The following IFT140 variants were observed in gnomAD, a reference collection of about 807,000 sequenced individuals.
The protein encoded by IFT140 is intraflagellar transport protein 140 homolog.
IFT140 carries 133 observed loss-of-function variants against 164.6 expected under a neutral mutation model. That is an observed-to-expected ratio of 0.81 (90% CI 0.70 to 0.93). The LOEUF (loss-of-function observed/expected upper bound fraction) is 0.93. IFT140 is among the 40% of genes least tolerant of loss of function. IFT140 has a pLI of 0.00. For synonymous variants in IFT140, 860 were observed against 817.3 expected (o/e 1.05, Z -0.89); for missense variants, 2,045 against 1,972.3 (o/e 1.04, Z -0.70).
intron 3 of IFT140, among the ~76,000 whole-genome samples, chr16:1,606,905 T>C (rs368693774): frequency 6.7e-6 from 1 of 149,422 alleles, no homozygotes; most frequent in Admixed American, 6.6e-5. Flanking sequence ...CACACACCCA[T>C]ATGCACACAC....
In IFT140 at chr16:1,525,177, C is replaced by G. The variant is rs2040647791; in HGVS notation, c.2864+54G>C. On this transcript the variant is annotated intron_variant, in intron 22 of 30. Coordinates refer to ENST00000426508, the MANE Select transcript of IFT140 (RefSeq NM_014714.4). ...GCCGTCTCAGCAAGCCCTGGGGTCC[C>G]TGCAAACCTCCAGGATGGAGTGCGG... 2.1e-6 allele frequency: 3 copies of G among 1,438,012 alleles called. No individual in the cohort carries two copies. In the South Asian group the frequency reaches 3.4e-5, roughly 16 times the overall value. The allele number at this position is 1,438,012 out of a possible 1,614,324, so 89.1% of individuals were successfully genotyped here. A position where few individuals can be genotyped will look rare whatever the true frequency, so the allele number is the denominator to read the frequency against.
intron 24 of IFT140, 21 bp downstream of exon 24, chr16:1,524,531 C>A (rs760389395): frequency 6.2e-7 from 1 of 1,610,376 alleles, no homozygotes; most frequent in Non-Finnish European, 8.5e-7. Flanking sequence ...GCGCCGGCTC[C>A]CCACCCCGGG....
At chr16:1,560,785 A>G (rs2033362693) in intron 18 of IFT140, among the ~76,000 whole-genome samples, 2 of 152,182 alleles carry the variant, frequency 1.3e-5, no homozygotes, top group Admixed American at 1.3e-4. Flanking sequence ...CATTCTTAAC[A>G]TCGATAAGCC....
chr16:1,541,752 A>G (rs936161744), intron 19 of IFT140, among the ~76,000 whole-genome samples: 1 of 152,182 alleles, frequency 6.6e-6, no homozygotes, highest in African/African-American at 2.4e-5. Context: ...GCTTGCAGGC[A>G]GGTGAGGGGG....
chr16:1,571,535 C>T lies in IFT140; in HGVS notation c.1525-1G>A, dbSNP rs2034013225. On this transcript the variant is annotated splice_acceptor_variant, in intron 13 of 30. Coordinates refer to ENST00000426508, the MANE Select transcript of IFT140 (RefSeq NM_014714.4). LOFTEE classifies it high-confidence loss of function. ...AAAGGAGGAGTTGTTTGACAGTCCCCTGAGGAAAAGGAACAAGAAATGGAT... is the reference window on the plus strand; with the variant it reads ...AAAGGAGGAGTTGTTTGACAGTCCCTTGAGGAAAAGGAACAAGAAATGGAT... 1.2e-6 allele frequency: 2 copies of T among 1,609,486 alleles called. No homozygotes were observed. The highest frequency in any genetic ancestry group is 1.7e-6 in the Non-Finnish European group (2 of 1,178,614).
chr16:1,555,056 C>T, intron 19 of IFT140: 2 of 1,583,896 alleles, frequency 1.3e-6, no homozygotes, highest in South Asian at 1.1e-5. Flanking sequence ...CATCAACGCA[C>T]ACCTGCTATC....
At chr16:1,549,093 C>A (rs753532206) in intron 19 of IFT140, among the ~76,000 whole-genome samples, 1 of 152,272 alleles carries the variant, frequency 6.6e-6, no homozygotes, top group Non-Finnish European at 1.5e-5. Context: ...ATGCCTAGGG[C>A]CGCGCAGGTT....
chr16:1,562,645 A>C (rs893358795), intron 17 of IFT140, among the ~76,000 whole-genome samples: 4 of 152,090 alleles, frequency 2.6e-5, no homozygotes, highest in African/African-American at 9.7e-5. Flanking sequence ...GGTGGTAGGC[A>C]CTTGTAGTCC....
At chr16:1,562,785 G>GA (rs1008781342) in intron 17 of IFT140, among the ~76,000 whole-genome samples, 1 of 150,656 alleles carries the variant, frequency 6.6e-6, no homozygotes, top group Non-Finnish European at 1.5e-5. Flanking sequence ...AATAAAAGAA[G>GA]AAAAAAAAAT....
In IFT140 at chr16:1,531,267, C is replaced by T. The variant is rs747006615; in HGVS notation, c.2400-4471G>A. 6.6e-6 allele frequency: 1 copy of T among 152,242 alleles called. No homozygotes were observed. Among genetic ancestry groups the T allele is most frequent in the Admixed American group, 6.5e-5 (1 of 15,280 alleles). 9.4% of individuals were successfully genotyped at this position (152,242 alleles called of 1,614,324 possible). Reference sequence around the variant, plus strand: ...ACCCACATCTGCACTTCATCAGCCCCGAGGCACTGGAACAAGAAGCAGATG... The same window carrying T: ...ACCCACATCTGCACTTCATCAGCCCTGAGGCACTGGAACAAGAAGCAGATG... On this transcript the variant is annotated intron_variant, in intron 19 of 30. Coordinates refer to ENST00000426508, the MANE Select transcript of IFT140 (RefSeq NM_014714.4). This position sits in a 1 kb window ranked among gnomAD's most constrained non-coding sequence, Gnocchi z 4.7.
intron 30 of IFT140, chr16:1,513,054 A>T (rs572505894): frequency 1.3e-5 from 2 of 152,296 alleles, no homozygotes; most frequent in Non-Finnish European, 2.9e-5. Flanking sequence ...TCATTTCTCG[A>T]TACTCAGTTT....
At chr16:1,575,324 A>C (rs1406601320) in intron 13 of IFT140, among the ~76,000 whole-genome samples, 1 of 152,016 alleles carries the variant, frequency 6.6e-6, no homozygotes, top group African/African-American at 2.4e-5. Flanking sequence ...GCAGTGAGCT[A>C]TGATGGCACC....
chr16:1,559,281 A>G (rs943876719), intron 18 of IFT140, among the ~76,000 whole-genome samples: 1 of 152,170 alleles, frequency 6.6e-6, no homozygotes, highest in African/African-American at 2.4e-5. Context: ...TCTGATAACA[A>G]TGTCAGCTTG....
intron 3 of IFT140, among the ~76,000 whole-genome samples, chr16:1,606,188 G>A (rs1023597886): frequency 6.6e-6 from 1 of 152,250 alleles, no homozygotes; most frequent in Non-Finnish European, 1.5e-5. Flanking sequence ...AAGCCACCCA[G>A]TTTGTGGAAA....
chr16:1,542,337 C>T (rs1011565434), intron 19 of IFT140, among the ~76,000 whole-genome samples: 2 of 152,266 alleles, frequency 1.3e-5, no homozygotes, highest in African/African-American at 4.8e-5. Context: ...CCCTTTTCCA[C>T]TTTAAAGGCT....
chr16:1,557,563 T>C (rs11639523), intron 19 of IFT140: 10,840 of 205,764 alleles, frequency 0.053, 567 homozygotes, highest in Admixed American at 0.18. Context: ...CCTTGATTGA[T>C]ACCCTCTTTC....
chr16:1,590,925 C>T (rs1171793029), intron 6 of IFT140, among the ~76,000 whole-genome samples: 4 of 152,152 alleles, frequency 2.6e-5, no homozygotes. Flanking sequence ...CCACACCCAG[C>T]ACAAACTCTT....
chr16:1,606,494 T>G (rs951268925), intron 3 of IFT140, among the ~76,000 whole-genome samples: 1 of 152,236 alleles, frequency 6.6e-6, no homozygotes, highest in East Asian at 1.9e-4. Flanking sequence ...GAGTTTTGCT[T>G]TTGTTGCCCA....
chr16:1,569,980 C>T (rs1026566411), intron 14 of IFT140, among the ~76,000 whole-genome samples: 1 of 152,192 alleles, frequency 6.6e-6, no homozygotes, highest in African/African-American at 2.4e-5. Flanking sequence ...TCCAATTATT[C>T]CAGCTTTGGC....
Sources: gnomAD v4.1 joint callset for allele counts (sites outside exome capture counted in the v4.1 genomes callset) on GRCh38, gnomAD v4.1.1 for gene constraint, Gnocchi (gnomAD v3.1) non-coding constraint, MANE v1.5 for transcripts, NCBI Gene and HGNC (gene_info 2026-07-23, HGNC 2026-07-21) for gene names.